NAV1: variants seen among roughly 807,000 people sequenced by gnomAD.
NAV1 encodes the protein neuron navigator 1, also known as pore membrane and/or filament interacting like protein 3.
In NAV1, 18 loss-of-function variants were observed where a neutral mutation model predicts 175.2. That is an observed-to-expected ratio of 0.10 (90% confidence interval 0.07 to 0.15). The LOEUF (loss-of-function observed/expected upper bound fraction) is 0.15, where lower values mean the gene tolerates loss of function less well. Ranked by LOEUF, NAV1 falls within the 10% of genes least tolerant of loss-of-function variation. The pLI, the probability that NAV1 is intolerant of heterozygous loss-of-function variation, is 1.00. For missense variants in NAV1, 1,731 were observed against 2,436.6 expected (o/e 0.71, Z 6.10); for synonymous variants, 897 against 978.7 (o/e 0.92, Z 1.56).
At chr1:201,667,454 G>A (rs556630074) in intron 1 of NAV1, among the ~76,000 whole-genome samples, 1 of 152,292 alleles carries the variant, frequency 6.6e-6, no homozygotes, top group East Asian at 1.9e-4. Context: ...TCTGACAGAT[G>A]AGGAAACCGA....
chr1:201,695,178 G>A (rs1471553566), intron 1 of NAV1, among the ~76,000 whole-genome samples: 1 of 152,192 alleles, frequency 6.6e-6, no homozygotes, highest in Non-Finnish European at 1.5e-5. Flanking sequence ...TGGGCTCAGG[G>A]CAAAAGGTGA....
intron 28 of NAV1, among the ~76,000 whole-genome samples, chr1:201,816,674 CTTTT>C (rs35468878): frequency 1.3e-4 from 13 of 102,848 alleles, no homozygotes; most frequent in African/African-American, 4.2e-4. Flanking sequence ...AGGAAGTGCA[CTTTT>C]TTTTTTTTTT....
At chr1:201,631,776 G>C (rs1668484919) in intron 2 of NAV1, among the ~76,000 whole-genome samples, 1 of 152,224 alleles carries the variant, frequency 6.6e-6, no homozygotes, top group Non-Finnish European at 1.5e-5. Flanking sequence ...ATCCAGCATA[G>C]TTATTTGACA....
intron 3 of NAV1, among the ~76,000 whole-genome samples, chr1:201,739,035 G>C (rs1196540939): frequency 1.3e-5 from 2 of 152,312 alleles, no homozygotes; most frequent in East Asian, 3.9e-4. Flanking sequence ...GGAACCAGGA[G>C]AGTGAAGTTA....
rs1274771002 is a variant in NAV1, at chr1:201,819,818, T to A, written c.5539-19T>A. The A allele has an allele frequency of 1.2e-6, 2 of 1,611,762 alleles. No homozygotes were observed. Among genetic ancestry groups the A allele is most frequent in the Non-Finnish European group, 1.7e-6 (2 of 1,177,852 alleles). On this transcript the variant is annotated intron_variant, in intron 29 of 29. Coordinates refer to ENST00000367296, the Ensembl canonical transcript of NAV1. ...CAGAGTCCCAACTCTCATAAATCCA[T>A]CTTTTTGCCCCCCTTTAGATGGCCA...
intron 2 of NAV1, among the ~76,000 whole-genome samples, chr1:201,616,935 G>T (rs966616124): frequency 6.6e-6 from 1 of 152,200 alleles, no homozygotes; most frequent in Non-Finnish European, 1.5e-5. Flanking sequence ...TACATGGAAG[G>T]TGCCCAGCCA....
intron 1 of NAV1, among the ~76,000 whole-genome samples, chr1:201,706,263 G>T (rs531779175): frequency 6.6e-6 from 1 of 150,776 alleles, no homozygotes; most frequent in East Asian, 1.9e-4. Flanking sequence ...GGGTGTGTGT[G>T]TGTGTGTGTG....
intron 14 of NAV1, 165 bp from the exon 19 acceptor site, chr1:201,794,301 G>A (rs547135361): frequency 1.2e-5 from 8 of 660,048 alleles, no homozygotes; most frequent in East Asian, 6.1e-5. Flanking sequence ...ACAGGTGCCC[G>A]CCACCACGCC....
chr1:201,626,153 C>T (rs1319949361), intron 1 of NAV1, among the ~76,000 whole-genome samples: 1 of 152,216 alleles, frequency 6.6e-6, no homozygotes, highest in Non-Finnish European at 1.5e-5. Context: ...CTCTGCAGGG[C>T]CTAGAGCTGC....
chr1:201,572,370 C>CTTTCTTTCT (rs1209964145), intron 1 of NAV1, among the ~76,000 whole-genome samples: 1 of 136,466 alleles, frequency 7.3e-6, no homozygotes, highest in African/African-American at 2.8e-5. Context: ...TTCTTTCTTT[C>CTTTCTTTCT]TTTTTTTTTT....
In NAV1 at chr1:201,607,219, G is replaced by A. The variant is rs1443395741; in HGVS notation, c.-32-15634G>A. ...CAACCTTCACCTCCCAGGTTTAAGC[G>A]ATTCTCCTGCCTTAGACTTCCAAGC... On this transcript the variant is annotated intron_variant, in intron 2 of 33. Coordinates refer to the NAV1 transcript ENST00000685211. Among the ~76,000 whole-genome samples, 5 of 148,436 alleles carry A rather than the reference G, an allele frequency of 3.4e-5. No homozygotes were observed. In the Admixed American group the frequency reaches 3.4e-4, roughly 10 times the overall value.
At chr1:201,640,412 C>CT (rs1439621743) in intron 2 of NAV1, among the ~76,000 whole-genome samples, 2 of 151,954 alleles carry the variant, frequency 1.3e-5, no homozygotes, top group Admixed American at 6.6e-5. Context: ...CTAGTGTCTC[C>CT]TTTTTTTTCA....
At chr1:201,619,929 C>T (rs192496179), upstream of NAV1, among the ~76,000 whole-genome samples, 250 of 152,296 alleles carry the variant, frequency 1.6e-3, 6 homozygotes, top group Admixed American at 0.015. Context: ...AATCAAATAA[C>T]GGTATCAAGT....
intron 2 of NAV1, among the ~76,000 whole-genome samples, chr1:201,591,643 G>A (rs1337244215): frequency 6.6e-6 from 1 of 152,188 alleles, no homozygotes; most frequent in Non-Finnish European, 1.5e-5. Context: ...CTGGGTAGGA[G>A]ACCCATCGCT....
intron 1 of NAV1, among the ~76,000 whole-genome samples, chr1:201,665,188 C>T (rs1669767063): frequency 6.7e-6 from 1 of 149,596 alleles, no homozygotes; most frequent in Non-Finnish European, 1.5e-5. Context: ...CCACCATTCT[C>T]CCAGCTCTCT....
At chr1:201,547,111 C>T (rs1200006334) in intron 1 of NAV1, among the ~76,000 whole-genome samples, 2 of 151,492 alleles carry the variant, frequency 1.3e-5, no homozygotes, top group Non-Finnish European at 2.9e-5. Flanking sequence ...CTCAGCCTCC[C>T]GAGTAGCTGG....
chr1:201,684,475 C>CTTTT lies in NAV1; in HGVS notation c.758-28328_758-28325dup, dbSNP rs71138346. ...TCTAAACTTTCTTCCTTTATGCAGC[C>CTTTT]TTTTTTTTTTTTTTTTTAGACAGAG... is the stretch of plus-strand genomic sequence containing the variant. On this transcript the variant is annotated intron_variant, in intron 1 of 29. Coordinates refer to ENST00000367296, the Ensembl canonical transcript of NAV1. Among the ~76,000 whole-genome samples the CTTTT allele has an allele frequency of 3.1e-3, 394 of 127,822 alleles. 3 individuals carry two copies. Among genetic ancestry groups the CTTTT allele is most frequent in the African/African-American group, 0.011 (375 of 34,126 alleles). The allele number at this position is 127,822 out of a possible 152,430, so 83.9% of individuals were successfully genotyped here.
chr1:201,740,172 C>T lies in NAV1; in HGVS notation c.1226+21417C>T. 9.6e-7 allele frequency: 1 copy of T among 1,037,756 alleles called. No individual in the cohort carries two copies. Among genetic ancestry groups the T allele is most frequent in the Non-Finnish European group, 1.3e-6 (1 of 742,386 alleles). The allele number at this position is 1,037,756 out of a possible 1,614,324, so 64.3% of individuals were successfully genotyped here. A position where few individuals can be genotyped will look rare whatever the true frequency, so the allele number is the denominator to read the frequency against. On this transcript the variant is annotated intron_variant, in intron 3 of 29. Coordinates refer to ENST00000367296, the Ensembl canonical transcript of NAV1. The surrounding 1 kb of genome is among the most constrained non-coding windows in gnomAD (Gnocchi z 4.7). ...CCCCGCCGCAGCCCCCCAGTTCCGC[C>T]GCAGCTGCAGTCTCAGGGGCAGTGG... is the stretch of plus-strand genomic sequence containing the variant.
At chr1:201,728,372 A>T (rs1473569878) in intron 3 of NAV1, among the ~76,000 whole-genome samples, 1 of 151,968 alleles carries the variant, frequency 6.6e-6, no homozygotes, top group East Asian at 1.9e-4. Context: ...CAGGTGGATC[A>T]CCTGAGGTCA....
Sources: allele counts gnomAD v4.1 joint callset (sites outside exome capture counted in the v4.1 genomes callset), GRCh38; gene constraint gnomAD v4.1.1; non-coding constraint Gnocchi (gnomAD v3.1); transcripts MANE v1.5; gene names NCBI Gene and HGNC (gene_info 2026-07-23, HGNC 2026-07-21).